Variants in EP400 observed in about 807,000 individuals in gnomAD.
The protein encoded by EP400 is E1A binding protein p400.
Under a neutral mutation model 354.1 loss-of-function variants are expected in EP400, and 105 were observed. That is an observed-to-expected ratio of 0.30 (90% CI 0.25 to 0.35). EP400 has a LOEUF of 0.35. EP400 is among the 10% of genes least tolerant of loss of function. The pLI is 1.00. For synonymous variants in EP400, 1,646 were observed against 1,716.9 expected (o/e 0.96, Z 1.02); for missense variants, 3,280 against 4,121.0 (o/e 0.80, Z 5.59).
Position 132,053,573 on chromosome 12 carries a change from G to T in EP400, c.7704G>T (p.Thr2568=). ...QAPAKAQPAI[T]TGGSAAVLAG... is the part of the protein sequence containing the mutation. ...CAGCGAAGGCGCAGCCCGCAATCAC[G>T]ACGGGGGGCAGTGCAGCCGTACTGG... The change falls in exon 43 of 53, where the codon ACG becomes ACT. Residue 2568 remains threonine (T), a synonymous_variant. Coordinates refer to ENST00000389561, the MANE Select transcript of EP400 (RefSeq NM_015409.5). 6.4e-7 allele frequency: 1 copy of T among 1,564,268 alleles called. No homozygotes were observed. Among genetic ancestry groups the T allele is most frequent in the East Asian group, 2.3e-5 (1 of 43,254 alleles).
rs68030464 is a variant in EP400 at position 132,062,523 on chromosome 12, GGCAGCAGCA to G, written c.8169_8177del (p.Gln2746_Gln2748del). On this transcript the variant is annotated inframe_deletion, in exon 47 of 53. Transcript: ENST00000389561. ...ACACCTGCACATTTCCAGCTTCTCA[GGCAGCAGCA>G]GCAGCAGCAGCAACAACAGCAGCAG... 3.2e-6 allele frequency: 5 copies of G among 1,574,916 alleles called. No homozygotes were observed. The African/African-American group carries it at 5.7e-5, about 18-fold the overall frequency.
At position 132,080,274 on chromosome 12, in the gene EP400, T is replaced by A. The variant is rs1896340335; in HGVS notation, c.*2601T>A. 1 of 152,646 alleles carries A rather than the reference T, an allele frequency of 6.6e-6. No individual in the cohort carries two copies. The highest frequency in any genetic ancestry group is 2.4e-5 in the African/African-American group (1 of 41,446). 9.5% of individuals were successfully genotyped at this position (152,646 alleles called of 1,614,324 possible). ...GATAAGACAGGGGTTTCTCTTTTTG[T>A]GACCTTTATTATTATTATTTTGTTA... On this transcript the variant is annotated 3_prime_UTR_variant, in exon 53 of 53. Transcript: ENST00000389561.
chr12:132,028,118 G>C lies in EP400; in HGVS notation c.5211G>C (p.Arg1737Ser), dbSNP rs142820013. 135 of 1,614,106 alleles carry C rather than the reference G, an allele frequency of 8.4e-5. No individual in the cohort carries two copies. Among genetic ancestry groups the C allele is most frequent in the Non-Finnish European group, 1.1e-4 (128 of 1,180,050 alleles). Reference sequence around the variant, plus strand: ...CAGTCTATGGCAGAGACTTGCTAAGGATTTGTGCCCTGCCTAGCCATGGAA... The same window carrying C: ...CAGTCTATGGCAGAGACTTGCTAAGCATTTGTGCCCTGCCTAGCCATGGAA... The part of the protein sequence containing the change: ...QAPVYGRDLL[R>S]ICALPSHGRV... The change falls in exon 27 of 53, where the codon AGG becomes AGC. Residue 1737 changes from arginine to serine, a missense_variant. This residue lies in a region of EP400 where 459 missense variants were observed against 496.9 expected (regional missense o/e 0.92). Transcript: ENST00000389561.
intron 45 of EP400, among the ~76,000 whole-genome samples, chr12:132,061,689 G>A (rs1895699379): frequency 6.6e-6 from 1 of 152,212 alleles, no homozygotes; most frequent in East Asian, 1.9e-4. Context: ...CACGCACATG[G>A]TGAGACACTC....
At position 132,067,568 on chromosome 12, in the gene EP400, A is replaced by T. The variant is rs1895932610; in HGVS notation, c.8874+82A>T. On this transcript the variant is annotated intron_variant, in intron 50 of 52. Coordinates refer to ENST00000389561, the MANE Select transcript of EP400 (RefSeq NM_015409.5). This position sits in a 1 kb window ranked among gnomAD's most constrained non-coding sequence, Gnocchi z 5.3. ...TGGAGGAGAGGGTCCTAAGCAGACA[A>T]ATCCCCATGTGGCGGCTCACGCTTT... 6.5e-7 allele frequency: 1 copy of T among 1,535,216 alleles called. No homozygotes were observed. Among genetic ancestry groups the T allele is most frequent in the South Asian group, 1.2e-5 (1 of 82,820 alleles).
Position 131,982,224 on chromosome 12 carries a change from G to C in EP400, c.1675G>C (p.Gly559Arg). Reference sequence around the variant, plus strand: ...GCACACCCCACTGCCGCAGCTGCCCGGGAGGCTGCCCCCAGCCGGTGTTCC... The same window carrying C: ...GCACACCCCACTGCCGCAGCTGCCCCGGAGGCTGCCCCCAGCCGGTGTTCC... ...SLHTPLPQLPGRLPPAGVPTA... is the reference protein window; with the variant it reads ...SLHTPLPQLPRRLPPAGVPTA... Residue 559 changes from glycine (G) to arginine (R), a missense_variant, in exon 5 of 53, where the codon GGG (glycine) becomes CGG (arginine). Gly to Arg is a moderately radical substitution (Grantham distance 125). Around this residue, in one of 20 missense-constraint regions of EP400, gnomAD observed 800 missense variants for 840.0 expected, o/e 0.95. Coordinates refer to ENST00000389561, the MANE Select transcript of EP400 (RefSeq NM_015409.5). 1 of 1,613,976 alleles carries C rather than the reference G, an allele frequency of 6.2e-7. No homozygotes were observed. Among genetic ancestry groups the C allele is most frequent in the Non-Finnish European group, 8.5e-7 (1 of 1,179,960 alleles).
rs923807722 is a variant in EP400 at position 132,054,481 on chromosome 12, G to A, written c.7729-493G>A. Among the ~76,000 whole-genome samples, 10 of 152,172 alleles carry A rather than the reference G, an allele frequency of 6.6e-5. No individual in the cohort carries two copies. Among genetic ancestry groups the A allele is most frequent in the South Asian group, 2.1e-4 (1 of 4,828 alleles). On this transcript the variant is annotated intron_variant, in intron 43 of 52. Transcript: ENST00000389561. The surrounding 1 kb of genome is among the most constrained non-coding windows in gnomAD (Gnocchi z 4.0). Reference sequence around the variant, plus strand: ...CAAAGGGATCATTTTAAATGCTGGCGGGAGGAGTCAGGGTGGCACAATGCA... The same window carrying A: ...CAAAGGGATCATTTTAAATGCTGGCAGGAGGAGTCAGGGTGGCACAATGCA...
At chr12:132,063,865 C>A (rs1449161539) in intron 47 of EP400, among the ~76,000 whole-genome samples, 6 of 152,310 alleles carry the variant, frequency 3.9e-5, no homozygotes, top group Admixed American at 2.0e-4. Flanking sequence ...CACTTGTATC[C>A]TGCGGGACGT....
Position 132,067,499 on chromosome 12 carries a change from G to A in EP400, c.8874+13G>A, listed in dbSNP as rs775799653. ...CGTCCAGCAGAAGGTACCGGGGCTA[G>A]GGGATTCTCACTTCTGGGTCTATGC... On this transcript the variant is annotated intron_variant, in intron 50 of 52. Transcript: ENST00000389561. The surrounding 1 kb of genome is among the most constrained non-coding windows in gnomAD (Gnocchi z 5.3). 5 of 1,609,886 alleles carry A rather than the reference G, an allele frequency of 3.1e-6. No individual in the cohort carries two copies. The highest frequency in any genetic ancestry group is 2.2e-5 in the South Asian group (2 of 90,978).
intron 12 of EP400, among the ~76,000 whole-genome samples, chr12:131,997,135 C>T (rs1463011194): frequency 6.6e-6 from 1 of 152,126 alleles, no homozygotes; most frequent in Non-Finnish European, 1.5e-5. Flanking sequence ...CCAACCCGCC[C>T]CCACCACCTG....
chr12:132,027,955 T>C lies in EP400; in HGVS notation c.5110-62T>C. On this transcript the variant is annotated intron_variant, in intron 26 of 52. Coordinates refer to ENST00000389561, the MANE Select transcript of EP400 (RefSeq NM_015409.5). The surrounding 1 kb of genome is among the most constrained non-coding windows in gnomAD (Gnocchi z 4.9). ...AATCACGGGCTGGGTGGGGGGTTGG[T>C]GAAGACAGGAACTTGTCATTCTGTT... 6 of 1,565,920 alleles carry C rather than the reference T, an allele frequency of 3.8e-6. No individual in the cohort carries two copies. The highest frequency in any genetic ancestry group is 5.2e-6 in the Non-Finnish European group (6 of 1,149,430).
chr12:132,067,332 T>G lies in EP400; in HGVS notation c.8750-30T>G, dbSNP rs766112869. The G allele has an allele frequency of 6.2e-7, 1 of 1,606,418 alleles. No individual in the cohort carries two copies. The highest frequency in any genetic ancestry group is 8.5e-7 in the Non-Finnish European group (1 of 1,175,302). ...TGAGCCTCAAGCTCTTTTCCCAGTG[T>G]GCTGACTAAGGGGCTTTTGCTGCCT... is the stretch of plus-strand genomic sequence containing the variant. On this transcript the variant is annotated intron_variant, in intron 49 of 52. Transcript: ENST00000389561. This position sits in a 1 kb window ranked among gnomAD's most constrained non-coding sequence, Gnocchi z 5.3.
chr12:131,983,955 G>T (rs1323687678), intron 5 of EP400, among the ~76,000 whole-genome samples: 1 of 151,886 alleles, frequency 6.6e-6, no homozygotes, highest in Non-Finnish European at 1.5e-5. Context: ...AGGCTGGAGT[G>T]CAGTGGCCCG....
At chr12:131,953,239 T>C (rs989285321) in intron 1 of EP400, among the ~76,000 whole-genome samples, 1 of 152,190 alleles carries the variant, frequency 6.6e-6, no homozygotes, top group Non-Finnish European at 1.5e-5. Flanking sequence ...CAGATGTTCC[T>C]TAGCGGGGCC....
intron 19 of EP400, among the ~76,000 whole-genome samples, chr12:132,015,753 C>G (rs971860394): frequency 1.3e-5 from 2 of 152,184 alleles, no homozygotes; most frequent in African/African-American, 2.4e-5. Flanking sequence ...CCTGTGAAAT[C>G]AAGCTTTAGT....
Position 132,027,537 on chromosome 12 carries a change from C to T in EP400, c.5109+6C>T, listed in dbSNP as rs187677932. On this transcript the variant is annotated splice_donor_region_variant and intron_variant, in intron 26 of 52. Transcript: ENST00000389561. The surrounding 1 kb of genome is among the most constrained non-coding windows in gnomAD (Gnocchi z 4.9). ...CCATTGGAGGGCCGACCCAGGTAAG[C>T]ACCTGAGCTTGAGACCCCGGTGCAC... 1.2e-6 allele frequency: 2 copies of T among 1,606,384 alleles called. No individual in the cohort carries two copies. Among genetic ancestry groups the T allele is most frequent in the East Asian group, 2.2e-5 (1 of 44,772 alleles).
intron 30 of EP400, among the ~76,000 whole-genome samples, chr12:132,036,282 A>G: frequency 6.6e-6 from 1 of 150,976 alleles, no homozygotes; most frequent in Non-Finnish European, 1.5e-5. Context: ...GGACACACCC[A>G]GGTTCGCACG....
At chr12:131,985,571 G>A (rs1703810904) in intron 5 of EP400, among the ~76,000 whole-genome samples, 2 of 152,210 alleles carry the variant, frequency 1.3e-5, no homozygotes, top group South Asian at 4.1e-4. Context: ...GCAGTTCTCT[G>A]TGACTTTAAG....
intron 51 of EP400, among the ~76,000 whole-genome samples, chr12:132,072,102 G>C (rs191599405): frequency 6.6e-6 from 1 of 152,310 alleles, no homozygotes; most frequent in East Asian, 1.9e-4. Flanking sequence ...GGGCAGCTCA[G>C]CCTCGTTCGT....
Sources: allele counts gnomAD v4.1 joint callset (sites outside exome capture counted in the v4.1 genomes callset), GRCh38; gene constraint gnomAD v4.1.1; regional missense constraint gnomAD v4.1.1; non-coding constraint Gnocchi (gnomAD v3.1); transcripts MANE v1.5; gene names NCBI Gene and HGNC (gene_info 2026-07-23, HGNC 2026-07-21).